Variants in RBFOX1 observed in about 807,000 individuals in gnomAD.
RBFOX1 encodes the protein RNA binding fox-1 homolog 1.
In RBFOX1, 8 loss-of-function variants were observed where a neutral mutation model predicts 57.7. The ratio of observed to expected loss-of-function variants is 0.14; its 90% confidence interval spans 0.08 to 0.25. RBFOX1 has a LOEUF of 0.25. Among genes scored for constraint, RBFOX1 ranks in the 10% least tolerant of loss-of-function variants. The pLI, the probability that RBFOX1 is intolerant of heterozygous loss-of-function variation, is 1.00. For synonymous variants in RBFOX1, 326 were observed against 222.4 expected (o/e 1.47, Z -4.15); for missense variants, 611 against 548.5 (o/e 1.11, Z -1.14).
intron 3 of RBFOX1, among the ~76,000 whole-genome samples, chr16:7,036,868 G>C (rs1400664719): frequency 6.6e-6 from 1 of 152,206 alleles, no homozygotes; most frequent in Admixed American, 6.5e-5. Flanking sequence ...CATCAGAGTG[G>C]ATGATGAGCC....
intron 4 of RBFOX1, among the ~76,000 whole-genome samples, chr16:7,232,048 C>T (rs2093528083): frequency 6.6e-6 from 1 of 151,342 alleles, no homozygotes; most frequent in African/African-American, 2.4e-5. Flanking sequence ...TTTTTTGAGA[C>T]AGAGTCTCGG....
Position 6,107,006 on chromosome 16 carries a change from C to G in RBFOX1, c.-127+87014C>G, listed in dbSNP as rs2082322753. Among the ~76,000 whole-genome samples the G allele has an allele frequency of 3.3e-5, 5 of 152,190 alleles. No individual in the cohort carries two copies. In the South Asian group the frequency reaches 6.2e-4, roughly 19 times the overall value. ...CTTTTAAAAAATTCCTGCAGTCACT[C>G]TGAAGAATGCCATTTAGAACATTCG... On this transcript the variant is annotated intron_variant, in intron 1 of 15. Transcript: ENST00000550418.
chr16:6,246,914 C>T (rs2097572371), intron 1 of RBFOX1, among the ~76,000 whole-genome samples: 1 of 152,002 alleles, frequency 6.6e-6, no homozygotes, highest in African/African-American at 2.4e-5. Flanking sequence ...ACTAAAAATG[C>T]CTAAAACTAG....
At chr16:6,819,515 C>G (rs11865546) in intron 3 of RBFOX1, among the ~76,000 whole-genome samples, 35,457 of 151,682 alleles carry the variant, frequency 0.23, 4,167 homozygotes, top group East Asian at 0.27. Flanking sequence ...ACCAGCCTGA[C>G]CAGCATGGAG....
intron 2 of RBFOX1, among the ~76,000 whole-genome samples, chr16:6,523,922 T>G (rs2096543201): frequency 6.6e-6 from 1 of 152,212 alleles, no homozygotes; most frequent in Non-Finnish European, 1.5e-5. Context: ...TGAGACATTT[T>G]GATACAGGGA....
chr16:5,750,291 C>G (rs529630293), intron 3 of RBFOX1, among the ~76,000 whole-genome samples: 22 of 152,316 alleles, frequency 1.4e-4, no homozygotes, highest in African/African-American at 5.1e-4. Flanking sequence ...GGGGGTGCCT[C>G]CCAGTTAGGC....
At chr16:6,527,132 T>G (rs1048691876) in intron 2 of RBFOX1, among the ~76,000 whole-genome samples, 1 of 152,184 alleles carries the variant, frequency 6.6e-6, no homozygotes, top group African/African-American at 2.4e-5. Flanking sequence ...ATTCAATATG[T>G]TAAAACCTTT....
intron 2 of RBFOX1, among the ~76,000 whole-genome samples, chr16:6,535,652 G>T (rs2096724998): frequency 6.6e-6 from 1 of 152,126 alleles, no homozygotes; most frequent in African/African-American, 2.4e-5. Context: ...GTTGCTCCAG[G>T]CTTCTTGTAA....
chr16:7,207,060 C>G (rs985490037), intron 4 of RBFOX1, among the ~76,000 whole-genome samples: 1 of 152,118 alleles, frequency 6.6e-6, no homozygotes, highest in African/African-American at 2.4e-5. Context: ...ATGGAAATAC[C>G]CTACAGATGT....
intron 4 of RBFOX1, among the ~76,000 whole-genome samples, chr16:7,177,746 G>A (rs2081963256): frequency 6.6e-6 from 1 of 152,150 alleles, no homozygotes; most frequent in African/African-American, 2.4e-5. Flanking sequence ...AGATTTTGCA[G>A]GTCTTTTGGT....
At chr16:6,555,988 C>T (rs758506033) in intron 2 of RBFOX1, among the ~76,000 whole-genome samples, 1 of 152,266 alleles carries the variant, frequency 6.6e-6, no homozygotes, top group Admixed American at 6.5e-5. Context: ...TTTATTGGAA[C>T]CGACTACATT....
At chr16:7,273,829 G>C (rs2095388152) in intron 4 of RBFOX1, among the ~76,000 whole-genome samples, 1 of 152,096 alleles carries the variant, frequency 6.6e-6, no homozygotes, top group Non-Finnish European at 1.5e-5. Context: ...GGATTGGTTT[G>C]CCTTTCTCTC....
intron 11 of RBFOX1, among the ~76,000 whole-genome samples, chr16:7,638,524 A>T (rs763129540): frequency 6.6e-6 from 1 of 152,176 alleles, no homozygotes. Context: ...ATTTGGGCCA[A>T]GGCTGTGCTG....
At chr16:6,944,576 T>C (rs983531210) in intron 3 of RBFOX1, among the ~76,000 whole-genome samples, 2 of 152,074 alleles carry the variant, frequency 1.3e-5, no homozygotes, top group African/African-American at 4.8e-5. Flanking sequence ...ATGTGTACAT[T>C]AAGAGACTGG....
intron 5 of RBFOX1, among the ~76,000 whole-genome samples, chr16:7,573,394 A>G (rs890107600): frequency 6.6e-6 from 1 of 151,966 alleles, no homozygotes; most frequent in Non-Finnish European, 1.5e-5. Context: ...GTCCCTGGCC[A>G]CTTTCCCGTC....
At chr16:6,932,113 T>A (rs74588335) in intron 3 of RBFOX1, among the ~76,000 whole-genome samples, 1 of 152,128 alleles carries the variant, frequency 6.6e-6, no homozygotes, top group Non-Finnish European at 1.5e-5. Flanking sequence ...TGTTGCTGTT[T>A]TTGTTTTTTC....
At chr16:6,389,996 G>A (rs1374606904) in intron 2 of RBFOX1, among the ~76,000 whole-genome samples, 4 of 152,144 alleles carry the variant, frequency 2.6e-5, no homozygotes, top group African/African-American at 9.7e-5. Context: ...GGAAGGCCGG[G>A]GAAACTGTGT....
chr16:6,864,398 C>T (rs560598975), intron 3 of RBFOX1, among the ~76,000 whole-genome samples: 4 of 152,236 alleles, frequency 2.6e-5, no homozygotes, highest in South Asian at 2.1e-4. Flanking sequence ...TTTACTTTTG[C>T]AGGCACAGAA....
chr16:6,503,565 G>T (rs962666657), intron 2 of RBFOX1, among the ~76,000 whole-genome samples: 1 of 152,188 alleles, frequency 6.6e-6, no homozygotes, highest in African/African-American at 2.4e-5. Context: ...TTGGTGATTT[G>T]CTGGGTTGCC....
Sources: gnomAD v4.1 joint callset for allele counts (sites outside exome capture counted in the v4.1 genomes callset) on GRCh38, gnomAD v4.1.1 for gene constraint, MANE v1.5 for transcripts, NCBI Gene and HGNC (gene_info 2026-07-23, HGNC 2026-07-21) for gene names.